HCN4: variants seen among roughly 807,000 people sequenced by gnomAD.
HCN4 encodes hyperpolarization activated cyclic nucleotide gated potassium channel 4.
HCN4 carries 29 observed loss-of-function variants against 76.9 expected under a neutral mutation model. The ratio of observed to expected loss-of-function variants is 0.38; its 90% CI spans 0.28 to 0.51. The LOEUF is 0.51. HCN4 is among the 20% of genes least tolerant of loss of function. The probability of loss-of-function intolerance (pLI) is 0.90; values close to 1 mark genes in which losing one functional copy is unlikely to be tolerated. For missense variants in HCN4, 1,416 were observed against 1,715.2 expected (o/e 0.83, Z 3.08); for synonymous variants, 772 against 762.5 (o/e 1.01, Z -0.21).
chr15:73,347,558 G>A (rs770916278), intron 1 of HCN4, among the ~76,000 whole-genome samples: 3 of 152,236 alleles, frequency 2.0e-5, no homozygotes, highest in Admixed American at 6.5e-5. Flanking sequence ...GCAATCACTC[G>A]GTCACGGTCA....
At chr15:73,333,695 G>A (rs1037784846) in intron 2 of HCN4, among the ~76,000 whole-genome samples, 1 of 152,196 alleles carries the variant, frequency 6.6e-6, no homozygotes, top group African/African-American at 2.4e-5. Context: ...GGGTCCGGTA[G>A]CTTAAGCTTG....
At chr15:73,334,705 C>T (rs778498487) in intron 2 of HCN4, among the ~76,000 whole-genome samples, 7 of 151,790 alleles carry the variant, frequency 4.6e-5, no homozygotes, top group Non-Finnish European at 1.0e-4. Context: ...CCCCCTCAAA[C>T]AAGCTAGACA....
intron 1 of HCN4, among the ~76,000 whole-genome samples, chr15:73,363,170 T>C (rs2043113449): frequency 1.3e-5 from 2 of 152,192 alleles, no homozygotes; most frequent in Admixed American, 1.3e-4. Context: ...ACAACATTCC[T>C]GGGTAATGGC....
At chr15:73,346,914 G>A (rs1165279533) in intron 1 of HCN4, among the ~76,000 whole-genome samples, 1 of 152,110 alleles carries the variant, frequency 6.6e-6, no homozygotes, top group Non-Finnish European at 1.5e-5. Flanking sequence ...TCAGCACCAC[G>A]GACAGCGCCC....
intron 2 of HCN4, among the ~76,000 whole-genome samples, chr15:73,333,627 G>C (rs938531790): frequency 6.6e-6 from 1 of 152,274 alleles, no homozygotes; most frequent in African/African-American, 2.4e-5. Context: ...GACCCTGAAG[G>C]TTCCAGCTAC....
At position 73,343,270 on chromosome 15, in the gene HCN4, G is replaced by A. The variant is rs2043015425; in HGVS notation, c.1209+115C>T. On this transcript the variant is annotated intron_variant, in intron 2 of 7. Coordinates refer to ENST00000261917, the MANE Select transcript of HCN4 (RefSeq NM_005477.3). The surrounding 1 kb of genome is among the most constrained non-coding windows in gnomAD (Gnocchi z 5.7). Reference sequence around the variant, plus strand: ...ACTAGTATTTGTCCTCTTGGAGCAGGTGTGCCTGCCACAATCTGACAGCCT... The same window carrying A: ...ACTAGTATTTGTCCTCTTGGAGCAGATGTGCCTGCCACAATCTGACAGCCT... The A allele has an allele frequency of 1.0e-6, 1 of 985,166 alleles. No homozygotes were observed. Among genetic ancestry groups the A allele is most frequent in the South Asian group, 1.4e-5 (1 of 71,260 alleles). The allele number at this position is 985,166 out of a possible 1,614,324, so 61.0% of individuals were successfully genotyped here.
chr15:73,326,788 T>A (rs1285677952), intron 4 of HCN4, among the ~76,000 whole-genome samples: 22 of 150,252 alleles, frequency 1.5e-4, no homozygotes, highest in Middle Eastern at 3.4e-3. Context: ...TTTATTTATT[T>A]ATTTATTTTT....
Position 73,325,983 on chromosome 15 carries a change from G to C in HCN4, c.1591-539C>G, listed in dbSNP as rs78564478. Among the ~76,000 whole-genome samples the C allele has an allele frequency of 6.6e-6, 1 of 152,130 alleles. No individual in the cohort carries two copies. The highest frequency in any genetic ancestry group is 2.4e-5 in the African/African-American group (1 of 41,420). Reference sequence around the variant, plus strand: ...AGCTGAGACCCCGGGTCATTTCGTTGAGAGCAACTCCAGGTAAGGGAAAAG... The same window carrying C: ...AGCTGAGACCCCGGGTCATTTCGTTCAGAGCAACTCCAGGTAAGGGAAAAG... On this transcript the variant is annotated intron_variant, in intron 4 of 7. Transcript: ENST00000261917. The surrounding 1 kb of genome is among the most constrained non-coding windows in gnomAD (Gnocchi z 7.4).
In HCN4 at chr15:73,367,391, G is replaced by C. The variant is rs2043133166; in HGVS notation, c.785+95C>G. On this transcript the variant is annotated intron_variant, in intron 1 of 7. Coordinates refer to ENST00000261917, the MANE Select transcript of HCN4 (RefSeq NM_005477.3). This position sits in a 1 kb window ranked among gnomAD's most constrained non-coding sequence, Gnocchi z 7.5. ...CCTCTCTTGGAGCTCCCAGCGCAAGGCAGGAAAGTTAACTCCGGCTGGGAG... is the reference window on the plus strand; with the variant it reads ...CCTCTCTTGGAGCTCCCAGCGCAAGCCAGGAAAGTTAACTCCGGCTGGGAG... 1 of 1,578,740 alleles carries C rather than the reference G, an allele frequency of 6.3e-7. No individual in the cohort carries two copies. Among genetic ancestry groups the C allele is most frequent in the Non-Finnish European group, 8.6e-7 (1 of 1,162,264 alleles).
intron 2 of HCN4, among the ~76,000 whole-genome samples, chr15:73,332,779 A>G (rs1423081581): frequency 6.6e-6 from 1 of 152,178 alleles, no homozygotes; most frequent in Non-Finnish European, 1.5e-5. Context: ...CTGCAGAGGA[A>G]GCGGCACAGG....
intron 1 of HCN4, among the ~76,000 whole-genome samples, chr15:73,351,538 C>T (rs1264195239): frequency 3.3e-5 from 5 of 152,170 alleles, no homozygotes; most frequent in Admixed American, 2.6e-4. Context: ...CTCAACTCTT[C>T]TATCTCCCTT....
intron 2 of HCN4, among the ~76,000 whole-genome samples, chr15:73,340,277 A>G (rs1212508372): frequency 6.6e-6 from 1 of 152,092 alleles, no homozygotes; most frequent in Non-Finnish European, 1.5e-5. Flanking sequence ...GCCAACTCCT[A>G]CAAAAGACCA....
chr15:73,360,150 C>A (rs1045535888), intron 1 of HCN4, among the ~76,000 whole-genome samples: 7 of 152,244 alleles, frequency 4.6e-5, no homozygotes, highest in Non-Finnish European at 8.8e-5. Context: ...AAATATCTAT[C>A]ATCCCAGAAA....
rs1267754691 is a variant in HCN4, at chr15:73,367,056, A to G, written c.785+430T>C. 2.6e-5 allele frequency among the ~76,000 whole-genome samples: 4 copies of G among 152,190 alleles called. No homozygotes were observed. Among genetic ancestry groups the G allele is most frequent in the African/African-American group, 9.7e-5 (4 of 41,438 alleles). On this transcript the variant is annotated intron_variant, in intron 1 of 7. Coordinates refer to ENST00000261917, the MANE Select transcript of HCN4 (RefSeq NM_005477.3). The surrounding 1 kb of genome is among the most constrained non-coding windows in gnomAD (Gnocchi z 7.5). Reference sequence around the variant, plus strand: ...CATAAATGCCTGCTGTCAGCACCCAAGGAGCTGGCCCGTTGCTAAGAGGTC... The same window carrying G: ...CATAAATGCCTGCTGTCAGCACCCAGGGAGCTGGCCCGTTGCTAAGAGGTC...
chr15:73,323,292 C>T lies in HCN4; in HGVS notation c.2801G>A (p.Arg934His), dbSNP rs369485237. The T allele has an allele frequency of 2.5e-5, 38 of 1,537,664 alleles. No individual in the cohort carries two copies. Among genetic ancestry groups the T allele is most frequent in the Admixed American group, 1.0e-4 (5 of 49,994 alleles). ...AGATGGCTGGGCAGCCTGCGGGGAG[C>T]GGGCGCCTGGCTGCAGCGGGGTGAG... Reference protein sequence around the residue: ...PLLTPLQPGARSPQAAQPSPA... With the variant: ...PLLTPLQPGAHSPQAAQPSPA... The change falls in exon 8 of 8, where the codon CGC (arginine) becomes CAC (histidine). Residue 934 changes from arginine to histidine, a missense_variant. Arg to His is a conservative substitution (Grantham distance 29). This residue lies in a region of HCN4 where 633 missense variants were observed against 579.8 expected (regional missense o/e 1.09). Coordinates refer to ENST00000261917, the MANE Select transcript of HCN4 (RefSeq NM_005477.3).
Position 73,343,717 on chromosome 15 carries a change from T to C in HCN4, c.877A>G (p.Thr293Ala). The change falls in exon 2 of 8, where the codon ACA (threonine) becomes GCA (alanine). Residue 293 changes from threonine to alanine, a missense_variant. By Grantham distance (58) the Thr-to-Ala change is moderately conservative. Coordinates refer to ENST00000261917, the MANE Select transcript of HCN4 (RefSeq NM_005477.3). This position sits in a 1 kb window ranked among gnomAD's most constrained non-coding sequence, Gnocchi z 5.7. ...ACCACATTGAAGACAATCCAGGGTGTGGTGTTCTCATCCTTGAAGAAGGTG... is the reference window on the plus strand; with the variant it reads ...ACCACATTGAAGACAATCCAGGGTGCGGTGTTCTCATCCTTGAAGAAGGTG... ...GITFFKDENT[T>A]PWIVFNVVSD... 1 of 1,614,114 alleles carries C rather than the reference T, an allele frequency of 6.2e-7. No individual in the cohort carries two copies. The highest frequency in any genetic ancestry group is 1.1e-5 in the South Asian group (1 of 91,076).
chr15:73,352,560 A>G (rs2043059478), intron 1 of HCN4, among the ~76,000 whole-genome samples: 1 of 152,186 alleles, frequency 6.6e-6, no homozygotes, highest in Non-Finnish European at 1.5e-5. Context: ...GGATGGGATG[A>G]GAGAGAGCTG....
chr15:73,335,815 G>A (rs1187335363), intron 2 of HCN4, among the ~76,000 whole-genome samples: 1 of 152,162 alleles, frequency 6.6e-6, no homozygotes. Context: ...CCTCACTGTG[G>A]GGAGAGGAGC....
At chr15:73,349,587 T>C (rs2043044337) in intron 1 of HCN4, among the ~76,000 whole-genome samples, 1 of 152,106 alleles carries the variant, frequency 6.6e-6, no homozygotes. Flanking sequence ...CTCCCAGCTC[T>C]CTCTCCTGTG....
Sources: allele counts gnomAD v4.1 joint callset (sites outside exome capture counted in the v4.1 genomes callset), GRCh38; gene constraint gnomAD v4.1.1; regional missense constraint gnomAD v4.1.1; non-coding constraint Gnocchi (gnomAD v3.1); transcripts MANE v1.5; gene names NCBI Gene and HGNC (gene_info 2026-07-23, HGNC 2026-07-21).